Variants in BABAM2 observed in about 807,000 individuals in gnomAD.
BABAM2 encodes BRISC and BRCA1 A complex member 2, also known as BRISC and BRCA1-A complex member 2.
In BABAM2, 31 loss-of-function variants were observed where a neutral mutation model predicts 54.7. That is an observed-to-expected ratio of 0.57 (90% CI 0.43 to 0.77). The LOEUF (loss-of-function observed/expected upper bound fraction) is 0.77. Ranked by LOEUF, BABAM2 falls within the 30% of genes least tolerant of loss-of-function variation. The pLI, the probability that BABAM2 is intolerant of heterozygous loss-of-function variation, is 0.00. For synonymous variants in BABAM2, 167 were observed against 162.9 expected (o/e 1.03, Z -0.19); for missense variants, 364 against 455.8 (o/e 0.80, Z 1.83).
chr2:27,911,365 A>G (rs188604027), intron 2 of BABAM2, among the ~76,000 whole-genome samples: 33 of 152,280 alleles, frequency 2.2e-4, no homozygotes, highest in Admixed American at 6.5e-4. Flanking sequence ...TAGAATAAAT[A>G]TTTTAAAATT....
chr2:28,306,879 G>A (rs1016288258), intron 11 of BABAM2, among the ~76,000 whole-genome samples: 2 of 149,594 alleles, frequency 1.3e-5, no homozygotes, highest in Non-Finnish European at 3.0e-5. Flanking sequence ...TGTATTTTTA[G>A]TAGAGACGGG....
At chr2:28,055,441 A>G (rs1350681231) in intron 6 of BABAM2, among the ~76,000 whole-genome samples, 2 of 152,328 alleles carry the variant, frequency 1.3e-5, no homozygotes, top group East Asian at 1.9e-4. Flanking sequence ...AAAAAATTTC[A>G]TTGAAATTAT....
At chr2:28,076,588 C>T (rs189691575) in intron 6 of BABAM2, among the ~76,000 whole-genome samples, 2,090 of 152,048 alleles carry the variant, frequency 0.014, 40 homozygotes, top group African/African-American at 0.047. Flanking sequence ...CTCTGCCTCC[C>T]GGGTTCGTGC....
intron 6 of BABAM2, among the ~76,000 whole-genome samples, chr2:28,056,939 T>C (rs1678477623): frequency 6.6e-6 from 1 of 152,240 alleles, no homozygotes; most frequent in Non-Finnish European, 1.5e-5. Context: ...GTGGTCTATA[T>C]TTTCCTCATA....
intron 10 of BABAM2, among the ~76,000 whole-genome samples, chr2:28,278,675 C>T (rs1686079330): frequency 6.6e-6 from 1 of 152,158 alleles, no homozygotes; most frequent in South Asian, 2.1e-4. Context: ...AGAATTCCCA[C>T]AGGATGAATC....
At chr2:28,321,034 T>C (rs1157648791) in intron 11 of BABAM2, among the ~76,000 whole-genome samples, 2 of 152,250 alleles carry the variant, frequency 1.3e-5, no homozygotes, top group Non-Finnish European at 2.9e-5. Flanking sequence ...CAGACACTAG[T>C]TGGACAGTGT....
intron 3 of BABAM2, 97 bp from the exon 4 acceptor site, chr2:27,987,895 TA>T: frequency 2.0e-6 from 2 of 1,003,098 alleles, no homozygotes; most frequent in Non-Finnish European, 3.0e-6. Context: ...TTTCTTAAAC[TA>T]ATGTAAATTT....
intron 5 of BABAM2, among the ~76,000 whole-genome samples, chr2:28,033,638 G>A (rs942945016): frequency 1.3e-5 from 2 of 152,084 alleles, no homozygotes; most frequent in African/African-American, 2.4e-5. Flanking sequence ...TGCCACATTG[G>A]GGGTTAAATT....
chr2:28,313,445 A>G (rs1251839246), intron 11 of BABAM2, among the ~76,000 whole-genome samples: 1 of 152,244 alleles, frequency 6.6e-6, no homozygotes, highest in Non-Finnish European at 1.5e-5. Flanking sequence ...CCTAATGGAA[A>G]ATCGAAGCCA....
chr2:27,987,862 C>A, intron 3 of BABAM2, 131 bp from the exon 4 acceptor site: 12 of 608,962 alleles, frequency 2.0e-5, no homozygotes, highest in Non-Finnish European at 2.5e-5. Context: ...AATTAATCAT[C>A]TGGAAAGTGC....
chr2:28,160,378 C>A (rs1672951496), intron 7 of BABAM2, among the ~76,000 whole-genome samples: 2 of 152,180 alleles, frequency 1.3e-5, no homozygotes, highest in Admixed American at 1.3e-4. Context: ...CCTCAGACAC[C>A]TATCCAGGTA....
intron 6 of BABAM2, among the ~76,000 whole-genome samples, chr2:28,050,777 T>G (rs540856176): frequency 6.6e-6 from 1 of 152,260 alleles, no homozygotes; most frequent in South Asian, 2.1e-4. Context: ...ATGACCAAGT[T>G]TGGGCATTAG....
intron 7 of BABAM2, among the ~76,000 whole-genome samples, chr2:28,196,888 A>C (rs1677638150): frequency 8.6e-6 from 1 of 115,652 alleles, no homozygotes; most frequent in Non-Finnish European, 1.6e-5. Context: ...TCTGTCACTC[A>C]GGCTGGAGTG....
chr2:28,313,982 G>C (rs965098866), intron 11 of BABAM2, among the ~76,000 whole-genome samples: 6 of 152,090 alleles, frequency 3.9e-5, no homozygotes, highest in African/African-American at 9.7e-5. Flanking sequence ...GAAAACCCCA[G>C]TTTTGCATTA....
intron 11 of BABAM2, chr2:28,309,230 T>C (rs1688844265): frequency 6.6e-6 from 1 of 152,250 alleles, no homozygotes; most frequent in South Asian, 2.1e-4. Context: ...CCTCAGCAAC[T>C]AGAGGCTGCG....
chr2:28,237,083 A>G, intron 7 of BABAM2, 119 bp from the exon 8 acceptor site: 1 of 731,204 alleles, frequency 1.4e-6, no homozygotes, highest in Non-Finnish European at 2.4e-6. Context: ...ACCCATCATC[A>G]TTAACCTAGG....
intron 2 of BABAM2, among the ~76,000 whole-genome samples, chr2:27,901,299 A>G (rs905315243): frequency 1.3e-4 from 20 of 152,238 alleles, no homozygotes; most frequent in African/African-American, 4.6e-4. Context: ...TCTGTTCAGC[A>G]TTCTGGAATG....
At chr2:28,014,943 C>T (rs779648470) in intron 4 of BABAM2, among the ~76,000 whole-genome samples, 1 of 152,166 alleles carries the variant, frequency 6.6e-6, no homozygotes, top group Non-Finnish European at 1.5e-5. Context: ...ATTCCTTTCC[C>T]AAGCCAAAGC....
At chr2:27,912,290 T>C (rs1666657994) in intron 2 of BABAM2, among the ~76,000 whole-genome samples, 1 of 152,164 alleles carries the variant, frequency 6.6e-6, no homozygotes, top group Non-Finnish European at 1.5e-5. Flanking sequence ...ATTTGGAAGC[T>C]TGAATGACTT....
Sources: allele counts gnomAD v4.1 joint callset (sites outside exome capture counted in the v4.1 genomes callset), GRCh38; gene constraint gnomAD v4.1.1; transcripts MANE v1.5; gene names NCBI Gene and HGNC (gene_info 2026-07-23, HGNC 2026-07-21).